SESN1: variants seen among roughly 807,000 people sequenced by gnomAD.
SESN1 encodes the protein sestrin-1.
In SESN1, 30 loss-of-function variants were observed where a neutral mutation model predicts 59.3. The observed-to-expected ratio is 0.51, with a 90% CI of 0.38 to 0.69. The LOEUF is 0.69. SESN1 is among the 30% of genes least tolerant of loss of function. The pLI, the probability that SESN1 is intolerant of heterozygous loss-of-function variation, is 0.00. For synonymous variants in SESN1, 197 were observed against 219.9 expected (o/e 0.90, Z 0.92); for missense variants, 566 against 673.0 (o/e 0.84, Z 1.76).
intron 1 of SESN1, among the ~76,000 whole-genome samples, chr6:109,003,233 C>G (rs1476961620): frequency 6.6e-6 from 1 of 151,412 alleles, no homozygotes; most frequent in Non-Finnish European, 1.5e-5. Flanking sequence ...AGAATTTATA[C>G]AATTAAAGAT....
chr6:109,007,463 G>A (rs1023274795), intron 1 of SESN1, among the ~76,000 whole-genome samples: 3 of 152,004 alleles, frequency 2.0e-5, no homozygotes, highest in African/African-American at 7.2e-5. Flanking sequence ...TGTTTTCCTC[G>A]CTACACTATT....
chr6:109,020,815 A>G (rs1779999852), intron 1 of SESN1, among the ~76,000 whole-genome samples: 1 of 152,200 alleles, frequency 6.6e-6, no homozygotes, highest in African/African-American at 2.4e-5. Flanking sequence ...TCAGTTTGCC[A>G]AATTTATATT....
intron 4 of SESN1, chr6:108,999,016 T>C: frequency 3.7e-6 from 1 of 272,274 alleles, no homozygotes; most frequent in Non-Finnish European, 6.9e-6. Context: ...GAGAATGCAT[T>C]TTGCTTAAAA....
In SESN1 at chr6:108,988,693, G is replaced by C; in HGVS notation, c.1425-6C>G. On this transcript the variant is annotated splice_polypyrimidine_tract_variant and splice_region_variant and intron_variant, in intron 8 of 9. Transcript: ENST00000436639. ...CATAGTCATAATCATCATATCTGTT[G>C]AAAGACATAATGAGAATTATGATAT... The C allele has an allele frequency of 6.3e-7, 1 of 1,591,992 alleles. No homozygotes were observed. Among genetic ancestry groups the C allele is most frequent in the South Asian group, 1.1e-5 (1 of 87,622 alleles).
chr6:109,072,452 C>T (rs77686990), intron 1 of SESN1, among the ~76,000 whole-genome samples: 2,993 of 152,240 alleles, frequency 0.02, 93 homozygotes, highest in African/African-American at 0.069. Flanking sequence ...TTCCCCAAGT[C>T]GCATGTTTTT....
Position 109,045,488 on chromosome 6 carries a change from A to G in SESN1, c.280-43145T>C, listed in dbSNP as rs142107098. Among the ~76,000 whole-genome samples, 83 of 152,274 alleles carry G rather than the reference A, an allele frequency of 5.5e-4. 1 individual carries two copies. Among genetic ancestry groups the G allele is most frequent in the African/African-American group, 2.0e-3 (81 of 41,536 alleles). On this transcript the variant is annotated intron_variant, in intron 1 of 9. Coordinates refer to ENST00000436639, the MANE Select transcript of SESN1 (RefSeq NM_014454.3). ...TCCATTTCAGATTGCATCTCTGCCT[A>G]TGTCTCCAATGATACTGAGTTCAAC... is the stretch of plus-strand genomic sequence containing the variant.
At chr6:109,067,124 T>C (rs143374670) in intron 1 of SESN1, among the ~76,000 whole-genome samples, 142 of 152,332 alleles carry the variant, frequency 9.3e-4, no homozygotes, top group Admixed American at 1.4e-3. Flanking sequence ...CAAGAGCCTA[T>C]AGTCTGGATG....
At chr6:109,068,047 T>C (rs181931619) in intron 1 of SESN1, among the ~76,000 whole-genome samples, 70 of 152,334 alleles carry the variant, frequency 4.6e-4, no homozygotes, top group African/African-American at 1.6e-3. Flanking sequence ...GCTTCTCTTA[T>C]AGCTGCAGAC....
chr6:109,063,858 TG>T (rs1780770657), intron 1 of SESN1, among the ~76,000 whole-genome samples: 1 of 151,042 alleles, frequency 6.6e-6, no homozygotes. Flanking sequence ...ACAAGTTGTC[TG>T]GTACCCAAAA....
intron 8 of SESN1, 106 bp from the exon 9 acceptor site, chr6:108,988,793 G>A (rs948788551): frequency 1.1e-5 from 10 of 888,034 alleles, no homozygotes; most frequent in Admixed American, 1.1e-4. Flanking sequence ...TTCTCTCTTT[G>A]TGTAGGCAGC....
At chr6:109,051,052 C>T (rs1780533409) in intron 1 of SESN1, among the ~76,000 whole-genome samples, 1 of 152,074 alleles carries the variant, frequency 6.6e-6, no homozygotes, top group Non-Finnish European at 1.5e-5. Context: ...AAGCTAATCA[C>T]CAAATATTAA....
chr6:109,065,692 G>A (rs1025682027), intron 1 of SESN1, among the ~76,000 whole-genome samples: 3 of 151,780 alleles, frequency 2.0e-5, no homozygotes, highest in African/African-American at 4.8e-5. Context: ...AAAGACCCTG[G>A]ATCACACATT....
intron 1 of SESN1, among the ~76,000 whole-genome samples, chr6:109,024,649 G>A (rs1393134570): frequency 6.6e-6 from 1 of 152,126 alleles, no homozygotes; most frequent in Non-Finnish European, 1.5e-5. Context: ...CTACATTATA[G>A]TCTAGCCTAG....
At chr6:109,070,964 C>T (rs1780924269) in intron 1 of SESN1, among the ~76,000 whole-genome samples, 1 of 152,196 alleles carries the variant, frequency 6.6e-6, no homozygotes, top group African/African-American at 2.4e-5. Flanking sequence ...ATGACTTCAG[C>T]TACCCAGGTA....
intron 5 of SESN1, among the ~76,000 whole-genome samples, chr6:108,995,902 C>T (rs1373823862): frequency 6.6e-6 from 1 of 152,210 alleles, no homozygotes; most frequent in Non-Finnish European, 1.5e-5. Flanking sequence ...TTCCATTCTT[C>T]CTGGCTTCCA....
intron 1 of SESN1, among the ~76,000 whole-genome samples, chr6:109,075,793 A>C (rs1781022050): frequency 6.6e-6 from 1 of 152,148 alleles, no homozygotes; most frequent in Non-Finnish European, 1.5e-5. Context: ...GTTTTAAACT[A>C]CCAAATTTGT....
chr6:109,007,641 C>T (rs1056460141), intron 1 of SESN1, among the ~76,000 whole-genome samples: 13 of 152,024 alleles, frequency 8.6e-5, no homozygotes, highest in Admixed American at 2.0e-4. Flanking sequence ...GGGTGCTGGC[C>T]TTTCGACATT....
intron 1 of SESN1, among the ~76,000 whole-genome samples, chr6:109,079,929 G>T (rs530626743): frequency 2.0e-5 from 3 of 152,142 alleles, no homozygotes; most frequent in African/African-American, 4.8e-5. Flanking sequence ...ACCTAGGCTT[G>T]ATTTCTAAAG....
At chr6:109,021,114 C>T (rs575896056) in intron 1 of SESN1, among the ~76,000 whole-genome samples, 28 of 152,210 alleles carry the variant, frequency 1.8e-4, no homozygotes, top group African/African-American at 6.5e-4. Context: ...CCACCTCAGC[C>T]TCCTGAGTAG....
Sources: allele counts gnomAD v4.1 joint callset (sites outside exome capture counted in the v4.1 genomes callset), GRCh38; gene constraint gnomAD v4.1.1; transcripts MANE v1.5; gene names NCBI Gene and HGNC (gene_info 2026-07-23, HGNC 2026-07-21).